GDF10: variants seen among roughly 807,000 people sequenced by gnomAD.
GDF10 encodes the protein growth/differentiation factor 10.
GDF10 carries 23 observed loss-of-function variants against 32.1 expected under a neutral mutation model. That is an observed-to-expected ratio of 0.72 (90% CI 0.52 to 1.02). The LOEUF (loss-of-function observed/expected upper bound fraction) is 1.02, where lower values mean the gene tolerates loss of function less well. Ranked by LOEUF, GDF10 falls within the 50% of genes least tolerant of loss-of-function variation. The pLI, the probability that GDF10 is intolerant of heterozygous loss-of-function variation, is 0.00. For synonymous variants in GDF10, 328 were observed against 303.1 expected (o/e 1.08, Z -0.85); for missense variants, 764 against 673.9 (o/e 1.13, Z -1.48).
intron 1 of GDF10, 76 bp from the exon 2 acceptor site, chr10:47,309,720 C>T (rs1307580415): frequency 2.1e-6 from 2 of 954,948 alleles, no homozygotes; most frequent in Admixed American, 2.2e-5. Context: ...GGCGTTTGCT[C>T]CTCCAGCCCT....
chr10:47,305,256 C>T (rs79047287), intron 1 of GDF10, among the ~76,000 whole-genome samples: 5,949 of 152,298 alleles, frequency 0.039, 155 homozygotes, highest in East Asian at 0.12. Context: ...GTTCTGAGCC[C>T]TTGCTGGGTG....
chr10:47,312,315 G>A lies in GDF10; in HGVS notation c.1246-286G>A, dbSNP rs1195776806. 3.3e-5 allele frequency among the ~76,000 whole-genome samples: 5 copies of A among 152,214 alleles called. 1 individual carries two copies. Among genetic ancestry groups the A allele is most frequent in the African/African-American group, 9.6e-5 (4 of 41,466 alleles). Reference sequence around the variant, plus strand: ...ATGTGTGACACTCAGGCGCCCCCATGTGGCCCTGCCGTGTTGGGGACACAG... The same window carrying A: ...ATGTGTGACACTCAGGCGCCCCCATATGGCCCTGCCGTGTTGGGGACACAG... On this transcript the variant is annotated intron_variant, in intron 2 of 2. Coordinates refer to ENST00000580279, the MANE Select transcript of GDF10 (RefSeq NM_004962.5).
At position 47,310,437 on chromosome 10, in the gene GDF10, C is replaced by T. The variant is rs1415132185; in HGVS notation, c.961C>T (p.His321Tyr). Residue 321 changes from histidine (H) to tyrosine (Y), a missense_variant, in exon 2 of 3, where the codon CAC becomes TAC. Transcript: ENST00000580279. ...PRAHAQHFHK[H>Y]QLWPSPFRAL... ...CGCCCACGCACAGCACTTCCACAAG[C>T]ACCAGCTGTGGCCCAGCCCCTTCCG... is the stretch of plus-strand genomic sequence containing the variant. The T allele has an allele frequency of 6.2e-7, 1 of 1,613,036 alleles. No homozygotes were observed. Among genetic ancestry groups the T allele is most frequent in the Non-Finnish European group, 8.5e-7 (1 of 1,179,794 alleles).
chr10:47,305,393 T>C (rs2061019677), intron 1 of GDF10, among the ~76,000 whole-genome samples: 1 of 152,110 alleles, frequency 6.6e-6, no homozygotes, highest in Admixed American at 6.5e-5. Flanking sequence ...CTTGCCTGAG[T>C]CCCCACAGCT....
chr10:47,301,465 C>T (rs1188613284), intron 1 of GDF10, among the ~76,000 whole-genome samples: 2 of 149,996 alleles, frequency 1.3e-5, no homozygotes, highest in Non-Finnish European at 1.5e-5. Context: ...CTTGGCTGCC[C>T]GGGATTGAGG....
intron 1 of GDF10, among the ~76,000 whole-genome samples, chr10:47,304,124 G>A (rs1555207026): frequency 1.3e-5 from 2 of 152,218 alleles, no homozygotes; most frequent in African/African-American, 4.8e-5. Context: ...CCACTTTGAA[G>A]GGCAGGTGGG....
At chr10:47,308,618 G>A (rs1365307585) in intron 1 of GDF10, among the ~76,000 whole-genome samples, 1 of 151,952 alleles carries the variant, frequency 6.6e-6, no homozygotes, top group African/African-American at 2.4e-5. Context: ...CCTGACCCAT[G>A]CCCCTAGAGA....
rs2061052930 is a variant in GDF10, at chr10:47,313,100, T to A, written c.*308T>A. ...ACATATCCACAACATTGGCTTGATGTGATCATCATCTCATAACTGAGCAAG... is the reference window on the plus strand; with the variant it reads ...ACATATCCACAACATTGGCTTGATGAGATCATCATCTCATAACTGAGCAAG... On this transcript the variant is annotated 3_prime_UTR_variant, in exon 3 of 3. Coordinates refer to ENST00000580279, the MANE Select transcript of GDF10 (RefSeq NM_004962.5). 3.0e-5 allele frequency: 7 copies of A among 233,516 alleles called. No homozygotes were observed. The South Asian group carries it at 1.1e-3, about 36-fold the overall frequency. 14.5% of individuals were successfully genotyped at this position (233,516 alleles called of 1,614,324 possible).
chr10:47,310,160 G>A lies in GDF10; in HGVS notation c.684G>A (p.Glu228=), dbSNP rs1555207539. ...ELLLSAQLDS[E]ERDPGVPRPS... ...TCCTCTCCGCCCAGCTGGATTCTGA[G>A]GAGAGGGACCCGGGGGTGCCCCGGC... Residue 228 remains glutamate, a synonymous_variant, in exon 2 of 3, where the codon GAG becomes GAA. Transcript: ENST00000580279. The A allele has an allele frequency of 6.2e-7, 1 of 1,612,084 alleles. No individual in the cohort carries two copies. The highest frequency in any genetic ancestry group is 8.5e-7 in the Non-Finnish European group (1 of 1,179,474).
Position 47,302,871 on chromosome 10 carries a change from G to A in GDF10, c.319+1901G>A, listed in dbSNP as rs962153137. Among the ~76,000 whole-genome samples the A allele has an allele frequency of 4.6e-5, 7 of 152,216 alleles. No homozygotes were observed. In the South Asian group the frequency reaches 1.0e-3, roughly 23 times the overall value. On this transcript the variant is annotated intron_variant, in intron 1 of 2. Transcript: ENST00000580279. The stretch of plus-strand genomic sequence containing the variant: ...GTGTCTGACAAATCCCTCTTCTTTG[G>A]AAGCCTGAGGCACATTTGGGTGTGA...
At position 47,300,888 on chromosome 10, in the gene GDF10, G is replaced by A. The variant is rs782092832; in HGVS notation, c.237G>A (p.Met79Ile). ...PSAQDMVAVHMHRLYEKYSRQ... is the reference protein window; with the variant it reads ...PSAQDMVAVHIHRLYEKYSRQ... ...CCCAGGACATGGTCGCTGTCCACAT[G>A]CACAGGCTCTATGAGAAGTACAGCC... The change falls in exon 1 of 3, where the codon ATG (methionine) becomes ATA (isoleucine). Residue 79 changes from methionine to isoleucine, a missense_variant. Met to Ile is a conservative substitution (Grantham distance 10). Transcript: ENST00000580279. 2 of 1,587,842 alleles carry A rather than the reference G, an allele frequency of 1.3e-6. No homozygotes were observed. Among genetic ancestry groups the A allele is most frequent in the Non-Finnish European group, 8.5e-7 (1 of 1,175,258 alleles).
chr10:47,308,366 T>A (rs2061030720), intron 1 of GDF10, among the ~76,000 whole-genome samples: 1 of 152,156 alleles, frequency 6.6e-6, no homozygotes, highest in Admixed American at 6.5e-5. Context: ...AGGTTTGTTG[T>A]GAGGATTAAA....
Position 47,300,448 on chromosome 10 carries a change from T to G in GDF10, c.-204T>G. On this transcript the variant is annotated 5_prime_UTR_variant, in exon 1 of 3. Transcript: ENST00000580279. ...ACGGCTGTGACCGCTGGCCGGGGGC[T>G]CGGGCCGCCGGTACCCACGGACCGC... is the stretch of plus-strand genomic sequence containing the variant. 1 of 505,364 alleles carries G rather than the reference T, an allele frequency of 2.0e-6. No individual in the cohort carries two copies. 31.3% of individuals were successfully genotyped at this position (505,364 alleles called of 1,614,324 possible).
At chr10:47,303,992 G>T (rs1007567731) in intron 1 of GDF10, among the ~76,000 whole-genome samples, 13 of 152,136 alleles carry the variant, frequency 8.5e-5, no homozygotes, top group Admixed American at 7.8e-4. Flanking sequence ...CAGCAGGCCT[G>T]GGGGGTGGCA....
At position 47,310,122 on chromosome 10, in the gene GDF10, G is replaced by T. The variant is rs2061038938; in HGVS notation, c.646G>T (p.Asp216Tyr). The T allele has an allele frequency of 1.2e-6, 2 of 1,610,702 alleles. No homozygotes were observed. Among genetic ancestry groups the T allele is most frequent in the Non-Finnish European group, 1.7e-6 (2 of 1,179,208 alleles). The change falls in exon 2 of 3, where the codon GAT becomes TAT. Residue 216 changes from aspartate to tyrosine, a missense_variant. Transcript: ENST00000580279. ...CCCCATCGTCAAGGCGGCCCGCCGGGATGGCGAGCTGCTCCTCTCCGCCCA... is the reference window on the plus strand; with the variant it reads ...CCCCATCGTCAAGGCGGCCCGCCGGTATGGCGAGCTGCTCCTCTCCGCCCA... ...ISPIVKAARR[D>Y]GELLLSAQLD...
rs1555207533 is a variant in GDF10 at position 47,310,131 on chromosome 10, C to G, written c.655C>G (p.Leu219Val). ...CAAGGCGGCCCGCCGGGATGGCGAG[C>G]TGCTCCTCTCCGCCCAGCTGGATTC... ...IVKAARRDGE[L>V]LLSAQLDSEE... Residue 219 changes from leucine (L) to valine (V), a missense_variant, in exon 2 of 3, where the codon CTG (leucine) becomes GTG (valine). Physicochemically the swap from Leu to Val is conservative, Grantham distance 32 (BLOSUM62 1). Transcript: ENST00000580279. 1.9e-6 allele frequency: 3 copies of G among 1,611,242 alleles called. No homozygotes were observed. The highest frequency in any genetic ancestry group is 8.5e-7 in the Non-Finnish European group (1 of 1,179,344).
intron 1 of GDF10, among the ~76,000 whole-genome samples, chr10:47,303,957 G>C (rs931210111): frequency 1.3e-5 from 2 of 152,198 alleles, no homozygotes; most frequent in Non-Finnish European, 2.9e-5. Context: ...TAGCAGGGCA[G>C]ATCAAAGTAA....
intron 1 of GDF10, among the ~76,000 whole-genome samples, chr10:47,304,321 G>A (rs1171560517): frequency 6.6e-6 from 1 of 151,110 alleles, no homozygotes; most frequent in Non-Finnish European, 1.5e-5. Flanking sequence ...TATACAACGT[G>A]CATGCGTAAG....
At position 47,309,569 on chromosome 10, in the gene GDF10, G is replaced by T. The variant is rs183123595; in HGVS notation, c.320-227G>T. Among the ~76,000 whole-genome samples the T allele has an allele frequency of 8.9e-4, 136 of 152,314 alleles. 1 individual carries two copies. Among genetic ancestry groups the T allele is most frequent in the Middle Eastern group, 3.4e-3 (1 of 294 alleles). On this transcript the variant is annotated intron_variant, in intron 1 of 2. Transcript: ENST00000580279. Reference sequence around the variant, plus strand: ...TTGTTGTTGTTGTTGTTTGCTACGGGATATTGACAATCTCAACCTTAATTC... The same window carrying T: ...TTGTTGTTGTTGTTGTTTGCTACGGTATATTGACAATCTCAACCTTAATTC...
Sources: allele counts gnomAD v4.1 joint callset (sites outside exome capture counted in the v4.1 genomes callset), GRCh38; gene constraint gnomAD v4.1.1; transcripts MANE v1.5; gene names NCBI Gene and HGNC (gene_info 2026-07-23, HGNC 2026-07-21).